SLC4A10: variants seen among roughly 807,000 people sequenced by gnomAD.
SLC4A10 encodes solute carrier family 4 member 10.
SLC4A10 carries 42 observed loss-of-function variants against 137.7 expected under a neutral mutation model. The observed-to-expected ratio is 0.30, with a 90% CI of 0.24 to 0.39. The LOEUF (loss-of-function observed/expected upper bound fraction) is 0.39, where lower values mean the gene tolerates loss of function less well. SLC4A10 is among the 10% of genes least tolerant of loss of function. The pLI is 1.00. For missense variants in SLC4A10, 925 were observed against 1,355.0 expected, an observed-to-expected ratio of 0.68 and a Z score of 4.98; for synonymous variants, 474 against 464.1, an observed-to-expected ratio of 1.02 and a Z score of -0.27.
At chr2:161,953,963 C>T (rs1270207883) in intron 19 of SLC4A10, among the ~76,000 whole-genome samples, 2 of 152,108 alleles carry the variant, frequency 1.3e-5, no homozygotes, top group Non-Finnish European at 2.9e-5. Context: ...AAAGCACATT[C>T]TCTAAATGTG....
At chr2:161,767,139 A>ATATATATATATGTGTG (rs1362865580) in intron 1 of SLC4A10, among the ~76,000 whole-genome samples, 1 of 57,108 alleles carries the variant, frequency 1.8e-5, no homozygotes, top group Non-Finnish European at 3.5e-5. Context: ...ATATATATAT[A>ATATATATATATGTGTG]TGTGTGTGTG....
intron 15 of SLC4A10, among the ~76,000 whole-genome samples, chr2:161,933,499 A>G (rs939871158): frequency 2.6e-5 from 4 of 151,588 alleles, no homozygotes; most frequent in Non-Finnish European, 5.9e-5. Context: ...CTCAAGCAAT[A>G]CTTCTGCCTC....
chr2:161,726,175 T>C (rs964841296), intron 1 of SLC4A10, among the ~76,000 whole-genome samples: 4 of 152,204 alleles, frequency 2.6e-5, no homozygotes, highest in Non-Finnish European at 5.9e-5. Context: ...GGTTGTTTAC[T>C]GTGAAGTGGA....
At position 161,901,200 on chromosome 2, in the gene SLC4A10, T is replaced by G. The variant is rs548523140; in HGVS notation, c.1442+189T>G. 259 of 559,030 alleles carry G rather than the reference T, an allele frequency of 4.6e-4. 1 individual carries two copies. Among genetic ancestry groups the G allele is most frequent in the African/African-American group, 4.5e-3 (236 of 52,670 alleles). 34.6% of individuals were successfully genotyped at this position (559,030 alleles called of 1,614,324 possible). ...TGTCATTACTGTTAAACTAAAACAG[T>G]GGATACACCCTTCCATTATACTTTA... is the stretch of plus-strand genomic sequence containing the variant. On this transcript the variant is annotated intron_variant, in intron 12 of 26. Transcript: ENST00000446997.
intron 3 of SLC4A10, among the ~76,000 whole-genome samples, chr2:161,814,900 A>G (rs1307002650): frequency 6.6e-6 from 1 of 152,172 alleles, no homozygotes; most frequent in Non-Finnish European, 1.5e-5. Flanking sequence ...ACAAGCCTGC[A>G]CATGTACTCC....
intron 8 of SLC4A10, among the ~76,000 whole-genome samples, chr2:161,875,801 A>G (rs1409780091): frequency 6.6e-6 from 1 of 152,204 alleles, no homozygotes; most frequent in Non-Finnish European, 1.5e-5. Context: ...ACATCTCCTC[A>G]TTTAGTCAGC....
chr2:161,807,635 A>G (rs115744858), intron 3 of SLC4A10, among the ~76,000 whole-genome samples: 3,074 of 152,258 alleles, frequency 0.02, 61 homozygotes, highest in Non-Finnish European at 0.031. Context: ...ATACTTTAGC[A>G]TTACTAGTAT....
intron 1 of SLC4A10, among the ~76,000 whole-genome samples, chr2:161,770,088 G>A (rs2051389551): frequency 6.6e-6 from 1 of 151,906 alleles, no homozygotes. Flanking sequence ...GATCTTGGAA[G>A]CTTCATTCAC....
At chr2:161,645,398 T>C (rs1283462950) in intron 1 of SLC4A10, among the ~76,000 whole-genome samples, 1 of 152,088 alleles carries the variant, frequency 6.6e-6, no homozygotes, top group Non-Finnish European at 1.5e-5. Flanking sequence ...ATATATGGAT[T>C]ATGACAAAAC....
chr2:161,687,040 C>T (rs1220488503), intron 1 of SLC4A10, among the ~76,000 whole-genome samples: 1 of 152,008 alleles, frequency 6.6e-6, no homozygotes, highest in Non-Finnish European at 1.5e-5. Context: ...CGCCACCATG[C>T]CCAGCAAATT....
chr2:161,864,127 G>A (rs1265842084), intron 6 of SLC4A10, among the ~76,000 whole-genome samples: 1 of 152,074 alleles, frequency 6.6e-6, no homozygotes. Context: ...GTGTGAACCT[G>A]GGTGGCGGAG....
intron 14 of SLC4A10, 32 bp downstream of exon 14, chr2:161,904,941 T>C (rs1448545640): frequency 6.2e-7 from 1 of 1,608,624 alleles, no homozygotes; most frequent in Non-Finnish European, 8.5e-7. Flanking sequence ...GCCCTTAGCC[T>C]CTTCCTTTTT....
At chr2:161,671,683 A>G (rs1171266039) in intron 1 of SLC4A10, among the ~76,000 whole-genome samples, 2 of 152,130 alleles carry the variant, frequency 1.3e-5, no homozygotes, top group African/African-American at 4.8e-5. Flanking sequence ...CCTAAATCTA[A>G]AATAAAAAAG....
At chr2:161,861,901 G>T (rs1427290877) in intron 5 of SLC4A10, among the ~76,000 whole-genome samples, 1 of 152,220 alleles carries the variant, frequency 6.6e-6, no homozygotes, top group East Asian at 1.9e-4. Flanking sequence ...AACATTGTTG[G>T]TAAGGGAGCA....
chr2:161,964,263 G>T lies in SLC4A10; in HGVS notation c.2991G>T (p.Leu997Phe). ...TTCAGATGAGTTGCCTTGGCCTTTT[G>T]TGGATAATAAAAGTTTCAAGAGCTG... ...TIIQMSCLGL[L>F]WIIKVSRAAI... Residue 997 changes from leucine (L) to phenylalanine (F), a missense_variant, in exon 22 of 27, where the codon TTG becomes TTT. By Grantham distance (22) the Leu-to-Phe change is conservative. Coordinates refer to ENST00000446997, the MANE Select transcript of SLC4A10 (RefSeq NM_001178015.2). The T allele has an allele frequency of 6.2e-7, 1 of 1,613,608 alleles. No individual in the cohort carries two copies. The highest frequency in any genetic ancestry group is 8.5e-7 in the Non-Finnish European group (1 of 1,179,656).
chr2:161,959,695 A>G (rs1040175970), intron 21 of SLC4A10, among the ~76,000 whole-genome samples: 3 of 152,210 alleles, frequency 2.0e-5, no homozygotes, highest in African/African-American at 7.2e-5. Flanking sequence ...AAAGTCATAC[A>G]TGGTCTTTCC....
At chr2:161,847,700 C>T (rs974722060) in intron 4 of SLC4A10, among the ~76,000 whole-genome samples, 1 of 152,020 alleles carries the variant, frequency 6.6e-6, no homozygotes, top group Non-Finnish European at 1.5e-5. Context: ...GCTGCAAAGG[C>T]CATTATCTCA....
intron 5 of SLC4A10, among the ~76,000 whole-genome samples, chr2:161,859,594 CTTTTT>C (rs72003642): frequency 4.4e-4 from 21 of 47,288 alleles, no homozygotes; most frequent in African/African-American, 1.6e-3. Flanking sequence ...CTTTTCTTTT[CTTTTT>C]TTTTTTTTTT....
At chr2:161,751,963 G>A (rs1384246191) in intron 1 of SLC4A10, among the ~76,000 whole-genome samples, 3 of 151,886 alleles carry the variant, frequency 2.0e-5, no homozygotes, top group Non-Finnish European at 4.4e-5. Flanking sequence ...TAAATTGTAT[G>A]AATTGATTAG....
Sources: allele counts gnomAD v4.1 joint callset (sites outside exome capture counted in the v4.1 genomes callset), GRCh38; gene constraint gnomAD v4.1.1; transcripts MANE v1.5; gene names NCBI Gene and HGNC (gene_info 2026-07-23, HGNC 2026-07-21).